Variants in ASMTL observed in about 807,000 individuals in gnomAD.
ASMTL encodes the protein acetylserotonin O-methyltransferase like.
A neutral mutation model predicts 60.3 loss-of-function variants in ASMTL; 57 were observed. The ratio of observed to expected loss-of-function variants is 0.95; its 90% CI spans 0.76 to 1.18. ASMTL has a LOEUF of 1.18. ASMTL is among the 50% of genes most tolerant of loss of function. The probability of loss-of-function intolerance (pLI) is 0.00; values close to 1 mark genes in which losing one functional copy is unlikely to be tolerated. For missense variants in ASMTL, 981 were observed against 852.6 expected, an observed-to-expected ratio of 1.15 and a Z score of -1.88; for synonymous variants, 419 against 373.0, an observed-to-expected ratio of 1.12 and a Z score of -1.42.
intron 11 of ASMTL, among the ~76,000 whole-genome samples, chrX:1,414,316 T>C (rs2090155547): frequency 6.6e-6 from 1 of 152,028 alleles, no homozygotes; most frequent in African/African-American, 2.4e-5. Flanking sequence ...AAGCTGTGAG[T>C]TGCATGAGGG....
At chrX:1,412,692 C>T (rs751187729) in intron 12 of ASMTL, 40 bp downstream of exon 12, 20 of 1,613,542 alleles carry the variant, frequency 1.2e-5, no homozygotes, top group Middle Eastern at 1.6e-4. Flanking sequence ...CAAAATACTA[C>T]GTCTTAACAA....
chrX:1,431,876 A>G (rs2090799017), intron 6 of ASMTL: 2 of 212,244 alleles, frequency 9.4e-6, no homozygotes, highest in South Asian at 9.6e-5. Flanking sequence ...TGTGGACGGG[A>G]CGACAGGTAG....
rs755060423 is a variant in ASMTL, at chrX:1,446,973, G to A, written c.94-4656C>T. ...TCTGGCTACATGTCTCCAAGATAATGTTTTGCATTCTTTTCCTTTTTCTTT... is the reference window on the plus strand; with the variant it reads ...TCTGGCTACATGTCTCCAAGATAATATTTTGCATTCTTTTCCTTTTTCTTT... On this transcript the variant is annotated intron_variant, in intron 1 of 12. Coordinates refer to ENST00000381317, the MANE Select transcript of ASMTL (RefSeq NM_004192.4). Among the ~76,000 whole-genome samples, 213 of 152,292 alleles carry A rather than the reference G, an allele frequency of 1.4e-3. 2 individuals are homozygous for A. Among genetic ancestry groups the A allele is most frequent in the African/African-American group, 4.9e-3 (204 of 41,556 alleles).
intron 12 of ASMTL, among the ~76,000 whole-genome samples, chrX:1,406,640 G>C (rs1162296094): frequency 2.2e-4 from 33 of 151,936 alleles, no homozygotes; most frequent in Admixed American, 1.3e-4. Context: ...GGATGTGATG[G>C]ATGGATGGGT....
At chrX:1,440,134 T>C (rs1463993248) in intron 2 of ASMTL, among the ~76,000 whole-genome samples, 8 of 151,364 alleles carry the variant, frequency 5.3e-5, no homozygotes, top group Admixed American at 5.3e-4. Context: ...TCGCCCAGGC[T>C]GGAGGGCAGT....
intron 1 of ASMTL, among the ~76,000 whole-genome samples, chrX:1,450,466 A>T (rs2091333546): frequency 8.2e-6 from 1 of 121,272 alleles, no homozygotes; most frequent in African/African-American, 3.2e-5. Context: ...CCCCTCCCCC[A>T]TTCCTAGGGG....
intron 9 of ASMTL, among the ~76,000 whole-genome samples, chrX:1,419,785 G>A (rs2090422914): frequency 6.6e-6 from 1 of 152,174 alleles, no homozygotes; most frequent in Admixed American, 6.5e-5. Flanking sequence ...GGGCTCCCCG[G>A]CCCTCCCCTG....
intron 12 of ASMTL, among the ~76,000 whole-genome samples, chrX:1,411,422 G>C (rs189950745): frequency 1.2e-4 from 18 of 152,280 alleles, no homozygotes; most frequent in African/African-American, 4.1e-4. Flanking sequence ...GATTCCCTCA[G>C]GGCCAGCTGG....
intron 6 of ASMTL, 118 bp downstream of exon 6, chrX:1,432,151 A>G (rs2090808286): frequency 1.2e-6 from 1 of 809,832 alleles, no homozygotes; most frequent in Non-Finnish European, 2.0e-6. Context: ...TCCCTGTGCC[A>G]CACGGCCCCC....
intron 5 of ASMTL, 70 bp from the exon 6 acceptor site, chrX:1,432,447 G>A (rs1470900012): frequency 2.5e-6 from 3 of 1,192,980 alleles, no homozygotes; most frequent in Non-Finnish European, 3.7e-6. Flanking sequence ...ACAGCTGCGT[G>A]GCTGTGCTGT....
intron 1 of ASMTL, among the ~76,000 whole-genome samples, chrX:1,443,051 C>T (rs1214039336): frequency 2.1e-4 from 17 of 79,230 alleles, no homozygotes; most frequent in Non-Finnish European, 5.2e-4. Context: ...CGCATACCAC[C>T]ATCGTGGACA....
intron 5 of ASMTL, among the ~76,000 whole-genome samples, chrX:1,433,023 G>C (rs371415959): frequency 2.9e-5 from 4 of 137,848 alleles, no homozygotes; most frequent in African/African-American, 1.1e-4. Context: ...GCTTGAACCC[G>C]GGAGGCGGAG....
intron 8 of ASMTL, 32 bp from the exon 9 acceptor site, chrX:1,421,874 T>C: frequency 1.2e-6 from 2 of 1,609,358 alleles, no homozygotes; most frequent in South Asian, 1.1e-5. Context: ...TGTGACCTCC[T>C]AACGAGAAAA....
chrX:1,436,574 G>C lies in ASMTL; in HGVS notation c.274-816C>G, dbSNP rs1427908025. Among the ~76,000 whole-genome samples the C allele has an allele frequency of 7.2e-5, 11 of 152,072 alleles. No individual in the cohort carries two copies. In the South Asian group the frequency reaches 1.0e-3, roughly 14 times the overall value. Reference sequence around the variant, plus strand: ...TCACCATGTTGGCCAGGATGGTCTCGATCTCCTGACCTTGTGATCCACCCG... The same window carrying C: ...TCACCATGTTGGCCAGGATGGTCTCCATCTCCTGACCTTGTGATCCACCCG... On this transcript the variant is annotated intron_variant, in intron 3 of 12. Coordinates refer to ENST00000381317, the MANE Select transcript of ASMTL (RefSeq NM_004192.4).
At chrX:1,420,277 GTCTTTCTGTCTCCC>G (rs1569532621) in intron 9 of ASMTL, among the ~76,000 whole-genome samples, 1 of 143,934 alleles carries the variant, frequency 6.9e-6, no homozygotes, top group Non-Finnish European at 1.6e-5. Context: ...CTCTGTCTCT[GTCTTTCTGTCTCCC>G]TGTTTCTGTC....
intron 7 of ASMTL, among the ~76,000 whole-genome samples, chrX:1,426,981 T>TCACAAA (rs2090630363): frequency 6.8e-6 from 1 of 147,866 alleles, no homozygotes; most frequent in African/African-American, 2.5e-5. Flanking sequence ...AGACTCTGTC[T>TCACAAA]CAAAAACAAA....
chrX:1,421,863 G>A (rs753439736), intron 8 of ASMTL, 21 bp from the exon 9 acceptor site: 10 of 1,612,462 alleles, frequency 6.2e-6, no homozygotes, highest in South Asian at 3.3e-5. Context: ...GGGGACAGTC[G>A]TGTGACCTCC....
chrX:1,417,609 GCAGA>G (rs1193966696), intron 11 of ASMTL, among the ~76,000 whole-genome samples: 4 of 139,066 alleles, frequency 2.9e-5, no homozygotes, highest in South Asian at 4.6e-4. Flanking sequence ...GCACACAGAT[GCAGA>G]CACACACACA....
At chrX:1,425,132 A>G (rs1413562077) in intron 8 of ASMTL, among the ~76,000 whole-genome samples, 2 of 152,086 alleles carry the variant, frequency 1.3e-5, no homozygotes, top group African/African-American at 2.4e-5. Flanking sequence ...TCGTCAATCT[A>G]TATCAATGTA....
Sources: allele counts gnomAD v4.1 joint callset (sites outside exome capture counted in the v4.1 genomes callset), GRCh38; gene constraint gnomAD v4.1.1; transcripts MANE v1.5; gene names NCBI Gene and HGNC (gene_info 2026-07-23, HGNC 2026-07-21).